Variants in PTCHD4 observed in about 807,000 individuals in gnomAD.
PTCHD4 encodes the protein patched domain-containing protein 4.
In PTCHD4, 33 loss-of-function variants were observed where a neutral mutation model predicts 58.1. That is an observed-to-expected ratio of 0.57 (90% CI 0.43 to 0.76). PTCHD4 has a LOEUF of 0.76. Ranked by LOEUF, PTCHD4 falls within the 30% of genes least tolerant of loss-of-function variation. The probability of loss-of-function intolerance (pLI) is 0.00; values close to 1 mark genes in which losing one functional copy is unlikely to be tolerated. For synonymous variants in PTCHD4, 478 were observed against 409.6 expected (o/e 1.17, Z -2.02); for missense variants, 1,058 against 1,027.1 (o/e 1.03, Z -0.41).
chr6:48,078,991 C>T (rs1182009032), intron 1 of PTCHD4, among the ~76,000 whole-genome samples: 2 of 151,820 alleles, frequency 1.3e-5, no homozygotes, highest in Non-Finnish European at 2.9e-5. Flanking sequence ...TGGTGCCGGG[C>T]GCCTGTAGTC....
At chr6:48,041,787 G>A (rs985248229) in intron 3 of PTCHD4, among the ~76,000 whole-genome samples, 8 of 151,740 alleles carry the variant, frequency 5.3e-5, no homozygotes, top group African/African-American at 1.5e-4. Flanking sequence ...AAGTTTAACC[G>A]TAATTGCTAG....
intron 4 of PTCHD4, among the ~76,000 whole-genome samples, chr6:47,915,309 G>A (rs932630670): frequency 1.3e-5 from 2 of 152,138 alleles, no homozygotes; most frequent in Non-Finnish European, 2.9e-5. Context: ...GTTGATTTAT[G>A]TATTAGGTTT....
At chr6:48,095,291 T>C (rs1209885310) in intron 1 of PTCHD4, among the ~76,000 whole-genome samples, 1 of 152,236 alleles carries the variant, frequency 6.6e-6, no homozygotes, top group Non-Finnish European at 1.5e-5. Flanking sequence ...TTGGCAAATA[T>C]TTCCTTGGAT....
At position 47,879,759 on chromosome 6, in the gene PTCHD4, T is replaced by C; in HGVS notation, c.1076A>G (p.Glu359Gly). ...GTTTTGACAGAAGACCTTCACAGCC[T>C]CTATGTTTGTGAATGGGCTGGCACC... ...GMGASPFTNI[E>G]AVKVFCQNMC... Residue 359 changes from glutamate (E) to glycine (G), a missense_variant, in exon 5 of 5, where the codon GAG becomes GGG. Glu to Gly is a moderately conservative substitution (Grantham distance 98). Coordinates refer to ENST00000339488, the MANE Select transcript of PTCHD4 (RefSeq NM_001384253.1). 6.2e-7 allele frequency: 1 copy of C among 1,613,642 alleles called. No individual in the cohort carries two copies. Among genetic ancestry groups the C allele is most frequent in the Non-Finnish European group, 8.5e-7 (1 of 1,179,738 alleles).
intron 4 of PTCHD4, among the ~76,000 whole-genome samples, chr6:47,882,757 T>TATATATA (rs1554149156): frequency 2.0e-5 from 3 of 146,702 alleles, no homozygotes; most frequent in African/African-American, 4.9e-5. Flanking sequence ...TATATATATA[T>TATATATA]TCCTTAAATT....
chr6:48,100,900 T>A (rs1274004727), intron 1 of PTCHD4, among the ~76,000 whole-genome samples: 1 of 152,114 alleles, frequency 6.6e-6, no homozygotes, highest in African/African-American at 2.4e-5. Context: ...GGTAAACAAA[T>A]AACCTAAAAT....
chr6:47,892,060 G>C (rs1268120186), intron 4 of PTCHD4, among the ~76,000 whole-genome samples: 1 of 152,144 alleles, frequency 6.6e-6, no homozygotes, highest in Non-Finnish European at 1.5e-5. Context: ...GAGAATGCCA[G>C]TTGGGCATAT....
intron 1 of PTCHD4, among the ~76,000 whole-genome samples, chr6:48,098,990 C>G (rs907276085): frequency 3.3e-5 from 5 of 152,124 alleles, no homozygotes; most frequent in African/African-American, 9.7e-5. Flanking sequence ...CTTAAAATGA[C>G]AAGCTCAGAA....
At chr6:47,902,035 A>G (rs1267250171) in intron 4 of PTCHD4, 1 of 679,586 alleles carries the variant, frequency 1.5e-6, no homozygotes, top group African/African-American at 1.9e-5. Context: ...GGGGAACTGA[A>G]GAGTTATCAC....
chr6:47,944,827 A>G (rs1469043821), intron 4 of PTCHD4, among the ~76,000 whole-genome samples: 1 of 152,120 alleles, frequency 6.6e-6, no homozygotes, highest in Admixed American at 6.6e-5. Flanking sequence ...AACAAAGCAA[A>G]CTTACTCCTC....
intron 1 of PTCHD4, among the ~76,000 whole-genome samples, chr6:48,080,458 C>T (rs1765143817): frequency 6.6e-6 from 1 of 152,170 alleles, no homozygotes; most frequent in African/African-American, 2.4e-5. Flanking sequence ...CAAAGTGCCC[C>T]TTCTTTGCTG....
chr6:47,970,455 G>A (rs559076509), intron 4 of PTCHD4, among the ~76,000 whole-genome samples: 8 of 152,206 alleles, frequency 5.3e-5, no homozygotes, highest in African/African-American at 1.7e-4. Flanking sequence ...AAGAATTTGC[G>A]GCAAGCTGGA....
intron 3 of PTCHD4, among the ~76,000 whole-genome samples, chr6:48,013,914 A>G (rs561744328): frequency 1.3e-5 from 2 of 152,132 alleles, no homozygotes; most frequent in East Asian, 3.8e-4. Flanking sequence ...GGTGCTGATA[A>G]TGTATCTGGA....
chr6:47,859,950 G>A lies in PTCHD4; in HGVS notation c.*18353C>T, dbSNP rs1390152432. Among the ~76,000 whole-genome samples the A allele has an allele frequency of 6.6e-6, 1 of 151,294 alleles. No individual in the cohort carries two copies. Among genetic ancestry groups the A allele is most frequent in the Admixed American group, 6.6e-5 (1 of 15,170 alleles). ...GGCAGTGGCTGGAGAAGTGGTCAGA[G>A]CAGGAGACAGGGGAACAGACTGGGT... On this transcript the variant is annotated 3_prime_UTR_variant, in exon 5 of 5. Coordinates refer to ENST00000339488, the MANE Select transcript of PTCHD4 (RefSeq NM_001384253.1).
At chr6:48,032,946 T>G (rs892030317) in intron 3 of PTCHD4, among the ~76,000 whole-genome samples, 3 of 152,170 alleles carry the variant, frequency 2.0e-5, no homozygotes, top group Non-Finnish European at 2.9e-5. Flanking sequence ...TGTTTTCTTT[T>G]GTTTTGCAAT....
chr6:47,969,447 T>G (rs1398565798), intron 4 of PTCHD4, among the ~76,000 whole-genome samples: 1 of 152,238 alleles, frequency 6.6e-6, no homozygotes, highest in Admixed American at 6.5e-5. Context: ...TTGTTGCATT[T>G]TTATTGGCTT....
intron 1 of PTCHD4, among the ~76,000 whole-genome samples, chr6:48,072,147 A>G (rs907805730): frequency 3.3e-5 from 5 of 152,112 alleles, no homozygotes; most frequent in Admixed American, 3.3e-4. Flanking sequence ...GCTTACACTT[A>G]AGGAGTGGAG....
chr6:48,089,447 A>T (rs1302869535), intron 1 of PTCHD4, among the ~76,000 whole-genome samples: 2 of 152,234 alleles, frequency 1.3e-5, no homozygotes, highest in African/African-American at 4.8e-5. Flanking sequence ...GATAGATAAT[A>T]AAATCTTAAC....
chr6:47,907,293 G>A lies in PTCHD4; in HGVS notation c.899-27357C>T, dbSNP rs1314055075. Among the ~76,000 whole-genome samples the A allele has an allele frequency of 6.6e-5, 10 of 152,272 alleles. No individual in the cohort carries two copies. In the East Asian group the frequency reaches 1.7e-3, roughly 26 times the overall value. ...TTTACATTAGTCCAGGGTCCCAGAA[G>A]CACAACCACTGTGTAGAATGGGCTT... On this transcript the variant is annotated intron_variant, in intron 4 of 4. Transcript: ENST00000339488.
Sources: allele counts gnomAD v4.1 joint callset (sites outside exome capture counted in the v4.1 genomes callset), GRCh38; gene constraint gnomAD v4.1.1; transcripts MANE v1.5; gene names NCBI Gene and HGNC (gene_info 2026-07-23, HGNC 2026-07-21).